The following YEATS2 variants were observed in gnomAD, a reference collection of about 807,000 sequenced individuals.
YEATS2 encodes the protein YEATS domain-containing protein 2.
A neutral mutation model predicts 163.2 loss-of-function variants in YEATS2; 77 were observed. The ratio of observed to expected loss-of-function variants is 0.47; its 90% CI spans 0.39 to 0.57. The LOEUF is 0.57. Among genes scored for constraint, YEATS2 ranks in the 20% least tolerant of loss-of-function variants. The pLI is 0.00. For missense variants in YEATS2, 1,549 were observed against 1,729.8 expected (o/e 0.90, Z 1.85); for synonymous variants, 631 against 645.1 (o/e 0.98, Z 0.33).
chr3:183,728,540 T>G, intron 6 of YEATS2, 150 bp from the exon 7 acceptor site: 1 of 671,842 alleles, frequency 1.5e-6, no homozygotes, highest in South Asian at 2.9e-5. Flanking sequence ...ATGATTAACT[T>G]GCAAAGACTC....
chr3:183,713,586 A>C (rs1715495183), intron 1 of YEATS2, among the ~76,000 whole-genome samples: 1 of 152,198 alleles, frequency 6.6e-6, no homozygotes, highest in African/African-American at 2.4e-5. Flanking sequence ...ATCAATAAGA[A>C]ACCTGGCAGC....
At chr3:183,732,635 CT>C (rs983569631) in intron 7 of YEATS2, among the ~76,000 whole-genome samples, 3 of 151,760 alleles carry the variant, frequency 2.0e-5, no homozygotes, top group African/African-American at 7.3e-5. Flanking sequence ...TCTTGGCTCA[CT>C]GCAAGCTCCG....
At chr3:183,705,534 T>C (rs561595131) in intron 1 of YEATS2, among the ~76,000 whole-genome samples, 132 of 152,332 alleles carry the variant, frequency 8.7e-4, no homozygotes, top group African/African-American at 3.0e-3. Flanking sequence ...TTATTTTTTT[T>C]GCCTTGAATT....
intron 6 of YEATS2, 138 bp from the exon 7 acceptor site, chr3:183,728,552 T>C (rs1717370493): frequency 4.1e-6 from 3 of 724,570 alleles, no homozygotes; most frequent in Non-Finnish European, 6.3e-6. Flanking sequence ...CAAAGACTCA[T>C]TTTGCTTGTT....
chr3:183,772,231 G>C, intron 15 of YEATS2, 74 bp from the exon 16 acceptor site: 1 of 1,592,854 alleles, frequency 6.3e-7, no homozygotes, highest in East Asian at 2.2e-5. Context: ...CCTTTGTTTT[G>C]CTCTCTGCCA....
chr3:183,718,910 T>C (rs1716201647), intron 4 of YEATS2, among the ~76,000 whole-genome samples: 1 of 151,978 alleles, frequency 6.6e-6, no homozygotes, highest in Non-Finnish European at 1.5e-5. Context: ...GACCAGTCTG[T>C]TCTTGAACTC....
At chr3:183,776,417 G>A (rs1428533734) in intron 18 of YEATS2, among the ~76,000 whole-genome samples, 3 of 151,996 alleles carry the variant, frequency 2.0e-5, no homozygotes, top group Admixed American at 6.6e-5. Flanking sequence ...GGTGGTGCAC[G>A]TCTACAGTCC....
intron 7 of YEATS2, among the ~76,000 whole-genome samples, chr3:183,731,318 C>A (rs749553524): frequency 1.6e-3 from 231 of 143,606 alleles, no homozygotes; most frequent in African/African-American, 3.7e-3. Context: ...AAAAAAAAAG[C>A]GGAATATTTG....
chr3:183,752,107 G>C lies in YEATS2; in HGVS notation c.1004G>C (p.Gly335Ala). 2 of 1,614,036 alleles carry C rather than the reference G, an allele frequency of 1.2e-6. No homozygotes were observed. Among genetic ancestry groups the C allele is most frequent in the Non-Finnish European group, 1.7e-6 (2 of 1,180,022 alleles). The part of the protein sequence containing the change: ...VDVELHRHSL[G>A]EDCIYPQSSE... ...GTTGAACTCCATCGCCATTCTCTCG[G>C]AGAAGACTGTATCTATCCTCAGTCC... is the stretch of plus-strand genomic sequence containing the variant. Residue 335 changes from glycine (G) to alanine (A), a missense_variant, in exon 10 of 31, where the codon GGA becomes GCA. By Grantham distance (60) the Gly-to-Ala change is moderately conservative. Coordinates refer to ENST00000305135, the MANE Select transcript of YEATS2 (RefSeq NM_018023.5).
intron 11 of YEATS2, among the ~76,000 whole-genome samples, chr3:183,755,942 C>A (rs1158786786): frequency 6.6e-6 from 1 of 151,858 alleles, no homozygotes; most frequent in Non-Finnish European, 1.5e-5. Flanking sequence ...GACAGGGTTT[C>A]TCCATGTTGG....
intron 15 of YEATS2, among the ~76,000 whole-genome samples, chr3:183,771,455 AT>A (rs1722446790): frequency 7.9e-6 from 1 of 125,814 alleles, no homozygotes; most frequent in African/African-American, 3.1e-5. Context: ...AAAAGAATTC[AT>A]TTTACTTTTG....
chr3:183,740,794 A>T (rs1303847895), intron 8 of YEATS2, among the ~76,000 whole-genome samples: 2 of 152,264 alleles, frequency 1.3e-5, no homozygotes, highest in Non-Finnish European at 2.9e-5. Flanking sequence ...TGGCTACACC[A>T]AACAACATAT....
intron 8 of YEATS2, among the ~76,000 whole-genome samples, chr3:183,742,207 C>T (rs889596205): frequency 6.6e-6 from 1 of 151,362 alleles, no homozygotes; most frequent in African/African-American, 2.4e-5. Flanking sequence ...GAGCAAGCCC[C>T]ATGTCAAAAA....
chr3:183,746,203 C>T (rs564124348), intron 8 of YEATS2, among the ~76,000 whole-genome samples: 10 of 152,202 alleles, frequency 6.6e-5, no homozygotes, highest in Non-Finnish European at 1.5e-4. Flanking sequence ...GCTGAGACTA[C>T]GGGAACATGC....
chr3:183,809,186 C>T lies in YEATS2; in HGVS notation c.4160+16C>T, dbSNP rs1271774565. On this transcript the variant is annotated intron_variant, in intron 30 of 30. Coordinates refer to ENST00000305135, the MANE Select transcript of YEATS2 (RefSeq NM_018023.5). ...CTCACAACAGGTATTACTATCTCTG[C>T]AGTCTGTGGTGTGAGGCTTACACCT... 2 of 1,613,254 alleles carry T rather than the reference C, an allele frequency of 1.2e-6. No individual in the cohort carries two copies. The highest frequency in any genetic ancestry group is 3.3e-5 in the Admixed American group (2 of 59,994).
chr3:183,730,102 T>A (rs563689919), intron 7 of YEATS2, among the ~76,000 whole-genome samples: 1 of 116,854 alleles, frequency 8.6e-6, no homozygotes, highest in Non-Finnish European at 1.7e-5. Context: ...ACACATCCTG[T>A]CGTCCATGCT....
At chr3:183,701,077 A>G (rs1299151592) in intron 1 of YEATS2, among the ~76,000 whole-genome samples, 1 of 150,392 alleles carries the variant, frequency 6.6e-6, no homozygotes, top group Non-Finnish European at 1.5e-5. Context: ...GTGTGTATAT[A>G]TATATAAATT....
intron 13 of YEATS2, among the ~76,000 whole-genome samples, chr3:183,760,272 G>T (rs1292593071): frequency 6.7e-6 from 1 of 149,190 alleles, no homozygotes; most frequent in Non-Finnish European, 1.5e-5. Context: ...TTACCTCTGA[G>T]ATTTGCATTT....
chr3:183,804,190 T>C lies in YEATS2; in HGVS notation c.3784+2T>C. On this transcript the variant is annotated splice_donor_variant, in intron 27 of 30. Coordinates refer to ENST00000305135, the MANE Select transcript of YEATS2 (RefSeq NM_018023.5). LOFTEE classifies it high-confidence loss of function. The stretch of plus-strand genomic sequence containing the variant: ...TGACCCAGATCGACAGCGAGCCCGG[T>C]AAGCCTTCAGTGGCACTGCCCAGAG... The C allele has an allele frequency of 6.2e-7, 1 of 1,614,110 alleles. No individual in the cohort carries two copies. The highest frequency in any genetic ancestry group is 8.5e-7 in the Non-Finnish European group (1 of 1,180,014).
Sources: gnomAD v4.1 joint callset for allele counts (sites outside exome capture counted in the v4.1 genomes callset) on GRCh38, gnomAD v4.1.1 for gene constraint, MANE v1.5 for transcripts, NCBI Gene and HGNC (gene_info 2026-07-23, HGNC 2026-07-21) for gene names.